Variants in PSD3 observed in about 807,000 individuals in gnomAD.
PSD3 encodes pleckstrin and Sec7 domain containing 3.
In PSD3, 49 loss-of-function variants were observed where a neutral mutation model predicts 105.5. That is an observed-to-expected ratio of 0.46 (90% CI 0.37 to 0.59). The LOEUF (loss-of-function observed/expected upper bound fraction) is 0.59. Ranked by LOEUF, PSD3 falls within the 20% of genes least tolerant of loss-of-function variation. The probability of loss-of-function intolerance (pLI) is 0.00; values close to 1 mark genes in which losing one functional copy is unlikely to be tolerated. For synonymous variants in PSD3, 557 were observed against 457.8 expected (o/e 1.22, Z -2.77); for missense variants, 1,561 against 1,263.8 (o/e 1.24, Z -3.57).
intron 9 of PSD3, among the ~76,000 whole-genome samples, chr8:18,695,282 AC>A (rs1321134989): frequency 7.0e-5 from 2 of 28,400 alleles, no homozygotes; most frequent in Non-Finnish European, 3.4e-4. Context: ...GAAACTGCAG[AC>A]ACAACAGTCA....
chr8:18,917,184 G>A (rs760372390), intron 2 of PSD3, among the ~76,000 whole-genome samples: 2 of 152,060 alleles, frequency 1.3e-5, no homozygotes, highest in African/African-American at 4.8e-5. Flanking sequence ...AGTATGTCTC[G>A]TCTTCTGTAT....
intron 8 of PSD3, among the ~76,000 whole-genome samples, chr8:18,796,903 G>C (rs1182387316): frequency 6.6e-6 from 1 of 152,134 alleles, no homozygotes; most frequent in Non-Finnish European, 1.5e-5. Context: ...AAGGTGAAAA[G>C]GAGCAGAACA....
chr8:18,595,654 T>TA (rs1018500531), intron 12 of PSD3, among the ~76,000 whole-genome samples: 1 of 151,866 alleles, frequency 6.6e-6, no homozygotes, highest in Non-Finnish European at 1.5e-5. Flanking sequence ...ACAAAATAAG[T>TA]AAAAAACTGT....
chr8:18,703,687 G>A (rs1011209087), intron 9 of PSD3, among the ~76,000 whole-genome samples: 2 of 152,126 alleles, frequency 1.3e-5, no homozygotes, highest in African/African-American at 4.8e-5. Context: ...TAATATTTCC[G>A]AGAAGATGGT....
chr8:18,614,874 G>A (rs111588150), intron 11 of PSD3, among the ~76,000 whole-genome samples: 2,075 of 151,762 alleles, frequency 0.014, 46 homozygotes, highest in East Asian at 0.08. Flanking sequence ...GGGCTTAAGC[G>A]ATCCTCCTGC....
intron 9 of PSD3, among the ~76,000 whole-genome samples, chr8:18,755,429 C>CAACATAACATAACATAACGTAACAT (rs1805945768): frequency 7.3e-6 from 1 of 136,786 alleles, no homozygotes; most frequent in South Asian, 2.6e-4. Context: ...GACCCTGTCT[C>CAACATAACATAACATAACGTAACAT]AACATAACAT....
rs190606627 is a variant in PSD3, at chr8:18,907,742, T to C, written c.130+28292A>G. ...TATTTCTCAGAACATATACCCATCA[T>C]TAAGCAGCACATGACTGTACCAACA... On this transcript the variant is annotated intron_variant, in intron 2 of 15. Coordinates refer to ENST00000327040, the MANE Select transcript of PSD3 (RefSeq NM_015310.4). Among the ~76,000 whole-genome samples the C allele has an allele frequency of 4.7e-4, 71 of 152,352 alleles. 1 individual carries two copies. Among genetic ancestry groups the C allele is most frequent in the African/African-American group, 1.4e-3 (60 of 41,584 alleles).
chr8:19,046,303 G>A (rs906821098), intron 1 of PSD3, among the ~76,000 whole-genome samples: 3 of 152,056 alleles, frequency 2.0e-5, no homozygotes, highest in African/African-American at 7.2e-5. Flanking sequence ...GTAGAGACGG[G>A]GTTTCACCAT....
intron 1 of PSD3, among the ~76,000 whole-genome samples, chr8:18,967,137 A>T (rs1824311313): frequency 6.7e-6 from 1 of 150,212 alleles, no homozygotes; most frequent in Non-Finnish European, 1.5e-5. Context: ...AATCCCACTT[A>T]GGATTTTCTT....
rs571699096 is a variant in PSD3, at chr8:18,963,538, C to G, written c.22-27396G>C. 1.4e-4 allele frequency among the ~76,000 whole-genome samples: 21 copies of G among 152,240 alleles called. No individual in the cohort carries two copies. The South Asian group carries it at 3.9e-3, about 29-fold the overall frequency. On this transcript the variant is annotated intron_variant, in intron 1 of 15. Coordinates refer to ENST00000327040, the MANE Select transcript of PSD3 (RefSeq NM_015310.4). ...AACAAGACAAATCCAATTTTCTTCT[C>G]TCAAACCGATTCAGAGGGGTAAGCA...
chr8:18,877,772 G>T (rs1021519872), intron 2 of PSD3, among the ~76,000 whole-genome samples: 17 of 151,946 alleles, frequency 1.1e-4, no homozygotes, highest in Admixed American at 5.2e-4. Flanking sequence ...GAACTCCTAG[G>T]CTCAAGTGAT....
chr8:18,626,803 G>A (rs1806514208), intron 11 of PSD3, among the ~76,000 whole-genome samples: 1 of 152,060 alleles, frequency 6.6e-6, no homozygotes, highest in African/African-American at 2.4e-5. Context: ...CAACAAATGA[G>A]GTTGGTGGGG....
At chr8:19,016,206 C>T (rs937322459), upstream of PSD3, among the ~76,000 whole-genome samples, 5 of 152,132 alleles carry the variant, frequency 3.3e-5, no homozygotes, top group African/African-American at 9.7e-5. Context: ...CACAAGCACC[C>T]GCCTTGGTAA....
intron 4 of PSD3, among the ~76,000 whole-genome samples, chr8:18,865,713 A>G (rs994953039): frequency 2.0e-5 from 3 of 152,144 alleles, no homozygotes; most frequent in African/African-American, 7.2e-5. Flanking sequence ...CGCGTCTCCA[A>G]GGTGCTTGTC....
At chr8:18,974,029 T>C (rs762301091) in intron 1 of PSD3, among the ~76,000 whole-genome samples, 2 of 152,212 alleles carry the variant, frequency 1.3e-5, no homozygotes, top group Non-Finnish European at 2.9e-5. Context: ...CTTTTAACCA[T>C]TGAGTAGCCT....
chr8:18,609,033 T>C (rs79838788), intron 11 of PSD3, among the ~76,000 whole-genome samples: 2,103 of 152,302 alleles, frequency 0.014, 121 homozygotes, highest in East Asian at 0.1. Flanking sequence ...AGTCATAATA[T>C]GGATAGAAAG....
chr8:18,738,817 C>T (rs747140749), intron 9 of PSD3, among the ~76,000 whole-genome samples: 29 of 151,488 alleles, frequency 1.9e-4, no homozygotes, highest in South Asian at 4.2e-4. Flanking sequence ...ATACCACACC[C>T]GCTCCGAAAA....
At chr8:18,881,318 T>C (rs1156753389) in intron 2 of PSD3, among the ~76,000 whole-genome samples, 3 of 152,172 alleles carry the variant, frequency 2.0e-5, no homozygotes, top group Non-Finnish European at 2.9e-5. Flanking sequence ...AGAGCTGTAA[T>C]AAAATGAAAT....
chr8:19,002,789 A>G (rs1826473158), intron 1 of PSD3, among the ~76,000 whole-genome samples: 1 of 152,082 alleles, frequency 6.6e-6, no homozygotes, highest in Admixed American at 6.6e-5. Flanking sequence ...TCTGAGGTTG[A>G]TTGAATGCAT....
Sources: gnomAD v4.1 joint callset for allele counts (sites outside exome capture counted in the v4.1 genomes callset) on GRCh38, gnomAD v4.1.1 for gene constraint, MANE v1.5 for transcripts, NCBI Gene and HGNC (gene_info 2026-07-23, HGNC 2026-07-21) for gene names.